COL24A1: variants seen among roughly 807,000 people sequenced by gnomAD.
The protein encoded by COL24A1 is collagen alpha-1(XXIV) chain.
A neutral mutation model predicts 253.9 loss-of-function variants in COL24A1; 224 were observed. The ratio of observed to expected loss-of-function variants is 0.88; its 90% CI spans 0.79 to 0.99. The LOEUF is 0.99. COL24A1 is among the 50% of genes least tolerant of loss of function. The pLI is 0.00. For missense variants in COL24A1, 2,131 were observed against 2,068.5 expected, an observed-to-expected ratio of 1.03 and a Z score of -0.59; for synonymous variants, 685 against 673.7, an observed-to-expected ratio of 1.02 and a Z score of -0.26.
chr1:86,148,563 T>G (rs757890213), intron 1 of COL24A1, among the ~76,000 whole-genome samples: 1 of 151,140 alleles, frequency 6.6e-6, no homozygotes, highest in Admixed American at 6.6e-5. Flanking sequence ...TGTGTTTTCA[T>G]TGTTCAATTC....
intron 47 of COL24A1, among the ~76,000 whole-genome samples, chr1:85,811,591 G>T (rs1344118857): frequency 6.6e-6 from 1 of 151,952 alleles, no homozygotes; most frequent in Non-Finnish European, 1.5e-5. Context: ...CCACCATCTT[G>T]CTAACACTTG....
intron 20 of COL24A1, among the ~76,000 whole-genome samples, chr1:85,972,689 C>T (rs1343065180): frequency 1.3e-5 from 2 of 152,162 alleles, no homozygotes; most frequent in African/African-American, 4.8e-5. Context: ...TAACTGTGAA[C>T]ATGTGACAGA....
chr1:85,760,366 CCA>C (rs1666730109), intron 55 of COL24A1, among the ~76,000 whole-genome samples: 1 of 152,022 alleles, frequency 6.6e-6, no homozygotes. Flanking sequence ...TTATTGATGT[CCA>C]CACAGGGAGA....
chr1:85,943,045 A>G (rs1688901444), intron 24 of COL24A1, among the ~76,000 whole-genome samples: 5 of 152,208 alleles, frequency 3.3e-5, no homozygotes, highest in Admixed American at 2.6e-4. Context: ...CAATGTTAGC[A>G]GGGAGTATCC....
intron 24 of COL24A1, among the ~76,000 whole-genome samples, chr1:85,940,753 T>C (rs943731292): frequency 6.6e-6 from 1 of 152,132 alleles, no homozygotes; most frequent in African/African-American, 2.4e-5. Flanking sequence ...AATGTAGTAA[T>C]AAAATAAAAG....
intron 47 of COL24A1, among the ~76,000 whole-genome samples, chr1:85,815,187 C>T (rs1013319139): frequency 1.3e-5 from 2 of 152,128 alleles, no homozygotes; most frequent in Admixed American, 6.5e-5. Flanking sequence ...TACAATATTT[C>T]CCAGTAAAAC....
intron 2 of COL24A1, among the ~76,000 whole-genome samples, chr1:86,144,725 CATTCATT>C (rs72443494): frequency 0.16 from 23,781 of 151,858 alleles, 1,919 homozygotes; most frequent in South Asian, 0.24. Flanking sequence ...TTGGTTCTTC[CATTCATT>C]AAGCTTTTAC....
intron 42 of COL24A1, among the ~76,000 whole-genome samples, chr1:85,840,928 A>C (rs531727178): frequency 3.3e-4 from 51 of 152,276 alleles, no homozygotes; most frequent in Admixed American, 1.1e-3. Flanking sequence ...AGAGTGTATA[A>C]GTTTTCTGAC....
At chr1:85,819,593 T>C (rs1277371906) in intron 45 of COL24A1, among the ~76,000 whole-genome samples, 1 of 152,152 alleles carries the variant, frequency 6.6e-6, no homozygotes, top group Non-Finnish European at 1.5e-5. Flanking sequence ...TCTTAAATAT[T>C]AAAAGTCTAT....
At chr1:85,784,899 T>C (rs1210018213) in intron 48 of COL24A1, among the ~76,000 whole-genome samples, 1 of 151,940 alleles carries the variant, frequency 6.6e-6, no homozygotes, top group Non-Finnish European at 1.5e-5. Context: ...CCTAGCTAAT[T>C]CTCTATTTTT....
At position 85,864,506 on chromosome 1, in the gene COL24A1, C is replaced by T. The variant is rs147770071; in HGVS notation, c.3300+4013G>A. On this transcript the variant is annotated intron_variant, in intron 37 of 59. Transcript: ENST00000370571. ...TGTATACATATGTAACAAACCTGCA[C>T]GTTGTGTACATGTACCCTAGAACTT... Among the ~76,000 whole-genome samples, 839 of 151,888 alleles carry T rather than the reference C, an allele frequency of 5.5e-3. 9 individuals are homozygous for T. The highest frequency in any genetic ancestry group is 0.019 in the African/African-American group (805 of 41,414).
intron 3 of COL24A1, among the ~76,000 whole-genome samples, chr1:86,122,297 T>A (rs747703989): frequency 6.6e-6 from 1 of 152,016 alleles, no homozygotes; most frequent in Non-Finnish European, 1.5e-5. Flanking sequence ...GATATCACTA[T>A]TCTTTTCTCC....
chr1:85,865,568 C>T (rs1679694516), intron 37 of COL24A1, among the ~76,000 whole-genome samples: 1 of 152,136 alleles, frequency 6.6e-6, no homozygotes, highest in South Asian at 2.1e-4. Context: ...TACTCGTCAC[C>T]AGCTGTCATA....
chr1:85,823,542 T>A lies in COL24A1; in HGVS notation c.3783A>T (p.Gly1261=). The part of the protein sequence containing the change: ...QGEQGLKGER[G]SEGNKGKKGA... Reference sequence around the variant, plus strand: ...TTAAATAATTTCAACTTACTTCAGATCCTCTCTCTCCTTTTAGTCCTTGTT... The same window carrying A: ...TTAAATAATTTCAACTTACTTCAGAACCTCTCTCTCCTTTTAGTCCTTGTT... Residue 1261 remains glycine (G), a synonymous_variant, in exon 45 of 60, where the codon GGA becomes GGT. Transcript: ENST00000370571. The A allele has an allele frequency of 1.9e-6, 3 of 1,613,964 alleles. No homozygotes were observed. The highest frequency in any genetic ancestry group is 2.5e-6 in the Non-Finnish European group (3 of 1,179,934).
chr1:86,054,454 A>C (rs2101709841), intron 10 of COL24A1, among the ~76,000 whole-genome samples: 1 of 152,250 alleles, frequency 6.6e-6, no homozygotes, highest in South Asian at 2.1e-4. Flanking sequence ...AATAAGAAAA[A>C]AACAAATAAC....
At chr1:85,847,829 T>C (rs540210393) in intron 38 of COL24A1, 57 bp from the exon 39 acceptor site, 1 of 1,080,432 alleles carries the variant, frequency 9.3e-7, no homozygotes, top group East Asian at 2.4e-5. Context: ...CTTAGATTAA[T>C]TAACTATATC....
intron 55 of COL24A1, among the ~76,000 whole-genome samples, chr1:85,755,764 A>G (rs1406679869): frequency 6.6e-6 from 1 of 152,174 alleles, no homozygotes; most frequent in African/African-American, 2.4e-5. Flanking sequence ...TGAATCAAAG[A>G]CTTGAACATA....
intron 53 of COL24A1, among the ~76,000 whole-genome samples, chr1:85,765,543 G>GAA (rs5775867): frequency 1.0e-4 from 15 of 144,018 alleles, no homozygotes; most frequent in South Asian, 6.7e-4. Context: ...TGTCTCTACC[G>GAA]AAAAAAAAAA....
intron 8 of COL24A1, among the ~76,000 whole-genome samples, 186 bp downstream of exon 8, chr1:86,063,529 T>C (rs1488875593): frequency 2.0e-5 from 3 of 152,068 alleles, no homozygotes; most frequent in African/African-American, 7.2e-5. Context: ...CAGTGAAATA[T>C]TATGTTATAG....
Sources: allele counts gnomAD v4.1 joint callset (sites outside exome capture counted in the v4.1 genomes callset), GRCh38; gene constraint gnomAD v4.1.1; transcripts MANE v1.5; gene names NCBI Gene and HGNC (gene_info 2026-07-23, HGNC 2026-07-21).